HYDIN: variants seen among roughly 807,000 people sequenced by gnomAD.
HYDIN encodes the protein HYDIN axonemal central pair apparatus protein.
A neutral mutation model predicts 403.9 loss-of-function variants in HYDIN; 132 were observed. The observed-to-expected ratio is 0.33, with a 90% confidence interval of 0.28 to 0.38. The LOEUF (loss-of-function observed/expected upper bound fraction) is 0.38. HYDIN is among the 10% of genes least tolerant of loss of function. HYDIN has a pLI of 1.00. For missense variants in HYDIN, 2,827 were observed against 5,009.5 expected (o/e 0.56, Z 13.15); for synonymous variants, 1,202 against 1,891.7 (o/e 0.64, Z 9.46).
At chr16:71,193,911 AT>A (rs908514864) in intron 1 of HYDIN, among the ~76,000 whole-genome samples, 1 of 152,034 alleles carries the variant, frequency 6.6e-6, no homozygotes, top group Non-Finnish European at 1.5e-5. Context: ...GCCAGCAAAA[AT>A]TTTTTTGCTC....
At chr16:70,853,975 G>C (rs1310079094) in intron 73 of HYDIN, among the ~76,000 whole-genome samples, 1 of 149,238 alleles carries the variant, frequency 6.7e-6, no homozygotes, top group Non-Finnish European at 1.5e-5. Flanking sequence ...TGCCTCCTGG[G>C]TTCAAGCGAT....
chr16:71,094,086 G>C, intron 10 of HYDIN, 151 bp from the exon 11 acceptor site: 1 of 703,868 alleles, frequency 1.4e-6, no homozygotes, highest in Non-Finnish European at 2.1e-6. Context: ...TAACGCTGAA[G>C]ATTCATCCTA....
chr16:70,922,987 T>G (rs1486848872), intron 45 of HYDIN, among the ~76,000 whole-genome samples: 1 of 151,984 alleles, frequency 6.6e-6, no homozygotes, highest in Non-Finnish European at 1.5e-5. Flanking sequence ...AGGCTGGTCT[T>G]GAACCCCTGA....
At chr16:70,878,991 G>A (rs1486143782) in intron 62 of HYDIN, among the ~76,000 whole-genome samples, 1 of 149,322 alleles carries the variant, frequency 6.7e-6, no homozygotes, top group Non-Finnish European at 1.5e-5. Flanking sequence ...GTTCATTACA[G>A]AAAACAATTA....
intron 1 of HYDIN, among the ~76,000 whole-genome samples, chr16:71,225,872 G>A (rs1411953949): frequency 6.6e-6 from 1 of 152,170 alleles, no homozygotes; most frequent in Admixed American, 6.5e-5. Flanking sequence ...ATGTGCAAAA[G>A]TTGCATGTTA....
At chr16:71,024,699 C>T (rs911610930) in intron 21 of HYDIN, among the ~76,000 whole-genome samples, 7 of 138,158 alleles carry the variant, frequency 5.1e-5, no homozygotes, top group Non-Finnish European at 4.6e-5. Context: ...ATATCTCCTC[C>T]ACCCCATCTC....
intron 58 of HYDIN, among the ~76,000 whole-genome samples, chr16:70,886,586 A>G (rs1363168275): frequency 6.6e-6 from 1 of 152,136 alleles, no homozygotes; most frequent in African/African-American, 2.4e-5. Context: ...TCCTTTAGCC[A>G]TTCTTATAGG....
intron 1 of HYDIN, among the ~76,000 whole-genome samples, chr16:71,219,060 T>C (rs1219804552): frequency 6.6e-6 from 1 of 152,200 alleles, no homozygotes; most frequent in East Asian, 1.9e-4. Context: ...AACCTTGAAA[T>C]TTATTTTAAT....
chr16:70,843,894 G>GT (rs1271905736), intron 75 of HYDIN, among the ~76,000 whole-genome samples: 5 of 129,052 alleles, frequency 3.9e-5, no homozygotes, highest in East Asian at 2.1e-4. Flanking sequence ...GGGGTTGTTT[G>GT]TTTTTTTCTT....
chr16:71,092,576 G>T (rs2083144214), intron 11 of HYDIN, among the ~76,000 whole-genome samples: 1 of 152,044 alleles, frequency 6.6e-6, no homozygotes, highest in South Asian at 2.1e-4. Flanking sequence ...TTTTGGGGTG[G>T]TTTTTGTTTT....
chr16:71,152,237 T>C (rs996656910), intron 7 of HYDIN, among the ~76,000 whole-genome samples: 9 of 152,068 alleles, frequency 5.9e-5, no homozygotes, highest in Non-Finnish European at 1.2e-4. Flanking sequence ...ATTCATTTTT[T>C]TTTTTTTATC....
At chr16:70,958,608 C>T (rs3852791) in intron 39 of HYDIN, among the ~76,000 whole-genome samples, 7 of 152,158 alleles carry the variant, frequency 4.6e-5, no homozygotes, top group Admixed American at 1.3e-4. Flanking sequence ...TTACTTGCCT[C>T]GTTTGATTTC....
intron 63 of HYDIN, 48 bp from the exon 64 acceptor site, chr16:70,874,640 T>C (rs1278926876): frequency 1.7e-6 from 1 of 575,380 alleles, no homozygotes; most frequent in Non-Finnish European, 2.8e-6. Flanking sequence ...TTTCAAGAAA[T>C]GTGTATCTAT....
chr16:70,810,785 G>A (rs959960858), intron 84 of HYDIN, among the ~76,000 whole-genome samples: 1 of 152,058 alleles, frequency 6.6e-6, no homozygotes, highest in East Asian at 1.9e-4. Context: ...AGCCAAGATC[G>A]TGTCACTCTA....
chr16:71,048,796 T>C (rs1014557925), intron 18 of HYDIN, among the ~76,000 whole-genome samples: 3 of 152,206 alleles, frequency 2.0e-5, no homozygotes, highest in East Asian at 1.9e-4. Context: ...GACAAAATAA[T>C]CTGTACACCA....
At chr16:71,183,168 G>A (rs1034133107) in intron 3 of HYDIN, among the ~76,000 whole-genome samples, 2 of 152,012 alleles carry the variant, frequency 1.3e-5, no homozygotes, top group Non-Finnish European at 2.9e-5. Flanking sequence ...TGAGAAGCGG[G>A]ATGATTAAAG....
At position 71,059,818 on chromosome 16, in the gene HYDIN, G is replaced by T. The variant is rs185753740; in HGVS notation, c.2529+686C>A. On this transcript the variant is annotated intron_variant, in intron 18 of 85. Transcript: ENST00000393567. ...AAAAGTTATATGTGAATTTTCAACC[G>T]CATGGGGGTTTGGTGTCCCTAATCC... 2.6e-5 allele frequency among the ~76,000 whole-genome samples: 4 copies of T among 152,266 alleles called. No homozygotes were observed. In the East Asian group the frequency reaches 7.7e-4, roughly 29 times the overall value.
chr16:71,129,887 T>C (rs532754532), intron 8 of HYDIN, 64 bp from the exon 9 acceptor site: 1 of 1,555,286 alleles, frequency 6.4e-7, no homozygotes, highest in African/African-American at 1.4e-5. Flanking sequence ...GTAAAGGGCT[T>C]CCCTCTAGTA....
chr16:70,824,280 T>G (rs528288715), intron 83 of HYDIN, among the ~76,000 whole-genome samples: 1 of 151,302 alleles, frequency 6.6e-6, no homozygotes, highest in South Asian at 2.1e-4. Context: ...CATGTACAGT[T>G]TATGAATATC....
Sources: gnomAD v4.1 joint callset for allele counts (sites outside exome capture counted in the v4.1 genomes callset) on GRCh38, gnomAD v4.1.1 for gene constraint, MANE v1.5 for transcripts, NCBI Gene and HGNC (gene_info 2026-07-23, HGNC 2026-07-21) for gene names.